The following SF3A3 variants were observed in gnomAD, a reference collection of about 807,000 sequenced individuals.
SF3A3 encodes the protein splicing factor 3a subunit 3, also known as SAP 61.
A neutral mutation model predicts 85.8 loss-of-function variants in SF3A3; 9 were observed. The observed-to-expected ratio is 0.10, with a 90% CI of 0.06 to 0.18. The LOEUF (loss-of-function observed/expected upper bound fraction) is 0.18. Ranked by LOEUF, SF3A3 falls within the 10% of genes least tolerant of loss-of-function variation. The pLI is 1.00. For missense variants in SF3A3, 306 were observed against 593.3 expected, an observed-to-expected ratio of 0.52 and a Z score of 5.03; for synonymous variants, 195 against 204.4, an observed-to-expected ratio of 0.95 and a Z score of 0.39.
intron 6 of SF3A3, among the ~76,000 whole-genome samples, chr1:37,982,206 A>G (rs534616545): frequency 1.3e-5 from 2 of 152,290 alleles, no homozygotes; most frequent in Admixed American, 1.3e-4. Flanking sequence ...TACGGGGTAC[A>G]GAAAACAACA....
intron 6 of SF3A3, among the ~76,000 whole-genome samples, chr1:37,982,456 C>T (rs1646425974): frequency 6.6e-6 from 1 of 152,038 alleles, no homozygotes; most frequent in Non-Finnish European, 1.5e-5. Flanking sequence ...CCACAACCTC[C>T]ACCTCATGGG....
intron 15 of SF3A3, among the ~76,000 whole-genome samples, chr1:37,963,556 A>T (rs1232447936): frequency 6.6e-6 from 1 of 151,724 alleles, no homozygotes; most frequent in Non-Finnish European, 1.5e-5. Flanking sequence ...ACTGCCAATG[A>T]TAATTCTTTT....
intron 15 of SF3A3, chr1:37,960,741 C>T (rs1258368489): frequency 1.3e-5 from 2 of 152,210 alleles, no homozygotes; most frequent in Non-Finnish European, 2.9e-5. Flanking sequence ...AGCTCCGCCT[C>T]CCGGGTTCAC....
intron 15 of SF3A3, among the ~76,000 whole-genome samples, chr1:37,966,288 A>G (rs557535603): frequency 9.6e-4 from 146 of 152,278 alleles, no homozygotes; most frequent in African/African-American, 3.5e-3. Flanking sequence ...TGTTAATGGC[A>G]GAGAAAGCTA....
At chr1:37,967,404 G>A (rs1041912160) in intron 15 of SF3A3, among the ~76,000 whole-genome samples, 2 of 151,838 alleles carry the variant, frequency 1.3e-5, no homozygotes, top group African/African-American at 4.8e-5. Context: ...AATTAGCCAG[G>A]TGTGGCGGCT....
intron 15 of SF3A3, among the ~76,000 whole-genome samples, chr1:37,963,803 G>A (rs148799706): frequency 0.034 from 4,747 of 137,796 alleles, 250 homozygotes; most frequent in African/African-American, 0.12. Flanking sequence ...TTATCTGCCC[G>A]CCTCAGCCTC....
At chr1:37,989,077 G>C (rs1646476161) in intron 2 of SF3A3, among the ~76,000 whole-genome samples, 1 of 151,922 alleles carries the variant, frequency 6.6e-6, no homozygotes. Flanking sequence ...GGATCACGAG[G>C]TCAGGAGTTC....
chr1:37,984,822 T>C, intron 4 of SF3A3, 43 bp from the exon 5 acceptor site: 1 of 1,508,822 alleles, frequency 6.6e-7, no homozygotes. Context: ...TTCTTTTTGC[T>C]TTTGAGATGG....
intron 4 of SF3A3, among the ~76,000 whole-genome samples, chr1:37,985,115 G>C (rs1646446996): frequency 6.6e-6 from 1 of 152,162 alleles, no homozygotes; most frequent in Admixed American, 6.5e-5. Flanking sequence ...ACCGCAGGCG[G>C]ATTTTTCAAT....
chr1:37,961,356 A>C (rs937446102), intron 15 of SF3A3, among the ~76,000 whole-genome samples: 5 of 151,614 alleles, frequency 3.3e-5, no homozygotes, highest in African/African-American at 1.2e-4. Context: ...AAGCTGAGGC[A>C]GGCGGAACAC....
At chr1:37,987,712 G>A (rs765213592) in intron 3 of SF3A3, 34 bp from the exon 4 acceptor site, 16 of 1,607,084 alleles carry the variant, frequency 1.0e-5, no homozygotes, top group Non-Finnish European at 1.2e-5. Flanking sequence ...AGAAGATAGA[G>A]CACAAAGTCA....
intron 4 of SF3A3, among the ~76,000 whole-genome samples, chr1:37,985,949 C>CTT (rs10673830): frequency 0.55 from 65,328 of 118,822 alleles, 19,478 homozygotes; most frequent in East Asian, 0.74. Context: ...TCCTACCAGA[C>CTT]TTTTTTTTTT....
chr1:37,985,949 C>CTTTTTT (rs10673830), intron 4 of SF3A3, among the ~76,000 whole-genome samples: 5 of 118,916 alleles, frequency 4.2e-5, no homozygotes, highest in African/African-American at 6.4e-5. Context: ...TCCTACCAGA[C>CTTTTTT]TTTTTTTTTT....
intron 7 of SF3A3, 80 bp from the exon 8 acceptor site, chr1:37,980,804 G>C: frequency 3.2e-6 from 2 of 633,054 alleles, no homozygotes; most frequent in East Asian, 4.7e-5. Context: ...AGAATATAAA[G>C]TACTTATAAT....
chr1:37,974,597 C>T (rs776713032), intron 12 of SF3A3, among the ~76,000 whole-genome samples: 6 of 152,316 alleles, frequency 3.9e-5, no homozygotes, highest in African/African-American at 9.6e-5. Context: ...CCACTGCGCC[C>T]GGCCCAAGAT....
At chr1:37,983,586 C>CAAAAAAAAA (rs371317065) in intron 6 of SF3A3, among the ~76,000 whole-genome samples, 9,448 of 38,116 alleles carry the variant, frequency 0.25, 2,646 homozygotes, top group East Asian at 0.32. Flanking sequence ...GACCCTGTCT[C>CAAAAAAAAA]AAAAAAAAAA....
chr1:37,987,828 C>T lies in SF3A3; in HGVS notation c.153G>A (p.Met51Ile). 6.2e-7 allele frequency: 1 copy of T among 1,612,930 alleles called. No individual in the cohort carries two copies. The highest frequency in any genetic ancestry group is 8.5e-7 in the Non-Finnish European group (1 of 1,179,068). ...HRTRAMQDRY[M>I]EVSGNLRDLY... ...AATCCCTCAGGTTCCCACTGACCTCCATATACCTCTGAAAGGCAAATACAA... is the reference window on the plus strand; with the variant it reads ...AATCCCTCAGGTTCCCACTGACCTCTATATACCTCTGAAAGGCAAATACAA... Residue 51 changes from methionine to isoleucine, a missense_variant, in exon 3 of 17, where the codon ATG becomes ATA. Met to Ile is a conservative substitution (Grantham distance 10). This residue lies in a region of SF3A3 where 152 missense variants were observed against 192.0 expected (regional missense o/e 0.79). Coordinates refer to ENST00000373019, the MANE Select transcript of SF3A3 (RefSeq NM_006802.4).
rs141717328 is a variant in SF3A3, at chr1:37,987,609, C to T, written c.267G>A (p.Lys89=). ...GCTTCCGGTGGAATTCCTTTATTTGCTTGAGTCTATTATAGAATTCAGCAA... is the reference window on the plus strand; with the variant it reads ...GCTTCCGGTGGAATTCCTTTATTTGTTTGAGTCTATTATAGAATTCAGCAA... ...NEFAEFYNRL[K]QIKEFHRKHP... The change falls in exon 4 of 17, where the codon AAG becomes AAA. Residue 89 remains lysine (K), a synonymous_variant. Coordinates refer to ENST00000373019, the MANE Select transcript of SF3A3 (RefSeq NM_006802.4). 11 of 1,613,882 alleles carry T rather than the reference C, an allele frequency of 6.8e-6. No homozygotes were observed. The highest frequency in any genetic ancestry group is 9.3e-6 in the Non-Finnish European group (11 of 1,179,954).
intron 11 of SF3A3, 147 bp from the exon 12 acceptor site, chr1:37,977,100 T>C (rs1217130020): frequency 1.9e-5 from 12 of 642,680 alleles, no homozygotes; most frequent in Non-Finnish European, 5.5e-6. Flanking sequence ...GCTCTGTTCA[T>C]CTCAGGACTC....
Sources: allele counts gnomAD v4.1 joint callset (sites outside exome capture counted in the v4.1 genomes callset), GRCh38; gene constraint gnomAD v4.1.1; regional missense constraint gnomAD v4.1.1; transcripts MANE v1.5; gene names NCBI Gene and HGNC (gene_info 2026-07-23, HGNC 2026-07-21).